Variants in SECISBP2L observed in about 807,000 individuals in gnomAD.
SECISBP2L encodes the protein SECIS binding protein 2 like, also known as selenocysteine insertion sequence-binding protein 2-like.
In SECISBP2L, 43 loss-of-function variants were observed where a neutral mutation model predicts 114.7. That is an observed-to-expected ratio of 0.38 (90% CI 0.29 to 0.48). The LOEUF (loss-of-function observed/expected upper bound fraction) is 0.48. Among genes scored for constraint, SECISBP2L ranks in the 20% least tolerant of loss-of-function variants. SECISBP2L has a pLI of 0.98. For missense variants in SECISBP2L, 1,136 were observed against 1,301.1 expected (o/e 0.87, Z 1.95); for synonymous variants, 451 against 439.7 (o/e 1.03, Z -0.32).
intron 16 of SECISBP2L, among the ~76,000 whole-genome samples, chr15:48,998,108 T>A (rs984555449): frequency 6.6e-6 from 1 of 152,196 alleles, no homozygotes; most frequent in African/African-American, 2.4e-5. Context: ...AACCTGGACA[T>A]TTTTGAGAAT....
At chr15:49,041,733 C>T (rs1247428785) in intron 1 of SECISBP2L, among the ~76,000 whole-genome samples, 1 of 152,042 alleles carries the variant, frequency 6.6e-6, no homozygotes, top group Non-Finnish European at 1.5e-5. Flanking sequence ...TACCACACAC[C>T]CACAGAAAAA....
Position 49,028,616 on chromosome 15 carries a change from T to G in SECISBP2L, c.731A>C (p.Lys244Thr). The change falls in exon 5 of 18, where the codon AAG becomes ACG. Residue 244 changes from lysine (K) to threonine (T), a missense_variant. Physicochemically the swap from Lys to Thr is moderately conservative, Grantham distance 78. Coordinates refer to ENST00000559471, the MANE Select transcript of SECISBP2L (RefSeq NM_001193489.2). ...GTGGGATGCTCTTCTTCTCCTGCCCTTGGACTTCCAGAGCATTGTTGCAGT... is the reference window on the plus strand; with the variant it reads ...GTGGGATGCTCTTCTTCTCCTGCCCGTGGACTTCCAGAGCATTGTTGCAGT... ...ETTATMLWKS[K>T]GRRRRASHPT... is the part of the protein sequence containing the mutation. 6.2e-7 allele frequency: 1 copy of G among 1,614,150 alleles called. No individual in the cohort carries two copies. Among genetic ancestry groups the G allele is most frequent in the Non-Finnish European group, 8.5e-7 (1 of 1,180,020 alleles).
intron 14 of SECISBP2L, among the ~76,000 whole-genome samples, chr15:49,006,878 T>C (rs1902334603): frequency 6.6e-6 from 1 of 152,218 alleles, no homozygotes. Context: ...AGAGGTATTC[T>C]GGTTTTTGCA....
chr15:48,993,695 A>G (rs532393725), intron 17 of SECISBP2L, among the ~76,000 whole-genome samples: 9 of 151,716 alleles, frequency 5.9e-5, no homozygotes, highest in Non-Finnish European at 1.2e-4. Flanking sequence ...TAATATATAT[A>G]TATATATAGC....
At chr15:49,021,310 T>C (rs1395352912) in intron 7 of SECISBP2L, among the ~76,000 whole-genome samples, 1 of 152,084 alleles carries the variant, frequency 6.6e-6, no homozygotes, top group African/African-American at 2.4e-5. Context: ...CATTATCTTA[T>C]AGCAGCCAAA....
At position 48,989,105 on chromosome 15, in the gene SECISBP2L, A is replaced by G. The variant is rs1462082925; in HGVS notation, c.*3139T>C. 6.7e-6 allele frequency: 1 copy of G among 149,230 alleles called. No homozygotes were observed. Among genetic ancestry groups the G allele is most frequent in the African/African-American group, 2.4e-5 (1 of 40,874 alleles). The allele number at this position is 149,230 out of a possible 1,614,324, so 9.2% of individuals were successfully genotyped here. On this transcript the variant is annotated 3_prime_UTR_variant, in exon 18 of 18. Transcript: ENST00000559471. ...TGATGTTCTAACCTGTTGGCCCAAC[A>G]TACAGAAAATACATGACAAGGGTGT...
At chr15:49,007,472 T>C (rs1486896882) in intron 14 of SECISBP2L, among the ~76,000 whole-genome samples, 1 of 152,216 alleles carries the variant, frequency 6.6e-6, no homozygotes, top group East Asian at 1.9e-4. Context: ...GGCTGCTGTC[T>C]TTCTTTCAGA....
Position 49,016,956 on chromosome 15 carries a change from G to A in SECISBP2L, c.1311C>T (p.Thr437=). The change falls in exon 10 of 18, where the codon ACC becomes ACT. Residue 437 remains threonine, a synonymous_variant. Coordinates refer to ENST00000559471, the MANE Select transcript of SECISBP2L (RefSeq NM_001193489.2). ...TTTTTGCACGTTTGGGAACTGAGGT[G>A]GTAATAGGAATTGGAGTCTGAACTA... ...INIVQTPIPI[T]TSVPKRAKSQ... is the part of the protein sequence containing the mutation. The A allele has an allele frequency of 6.2e-7, 1 of 1,613,974 alleles. No individual in the cohort carries two copies. Among genetic ancestry groups the A allele is most frequent in the Non-Finnish European group, 8.5e-7 (1 of 1,179,928 alleles).
chr15:49,019,971 T>A (rs1902609159), intron 7 of SECISBP2L, among the ~76,000 whole-genome samples: 1 of 152,022 alleles, frequency 6.6e-6, no homozygotes, highest in South Asian at 2.1e-4. Flanking sequence ...AAAAGGCCAA[T>A]CCCAAAAAGA....
chr15:49,025,506 A>T lies in SECISBP2L; in HGVS notation c.1035+1859T>A, dbSNP rs779647144. 7.9e-5 allele frequency among the ~76,000 whole-genome samples: 12 copies of T among 152,300 alleles called. No homozygotes were observed. In the East Asian group the frequency reaches 2.3e-3, roughly 29 times the overall value. ...TGTATGCATTAAACAAAGTTGTGTT[A>T]AGTACTTATGTGTAGAATTTTCTAC... On this transcript the variant is annotated intron_variant, in intron 7 of 17. Coordinates refer to ENST00000559471, the MANE Select transcript of SECISBP2L (RefSeq NM_001193489.2).
chr15:49,039,266 T>C (rs959427357), intron 1 of SECISBP2L, among the ~76,000 whole-genome samples: 2 of 152,094 alleles, frequency 1.3e-5, no homozygotes, highest in East Asian at 1.9e-4. Context: ...GGCAAAAATA[T>C]CTTCAAACTC....
In SECISBP2L at chr15:49,000,931, T is replaced by C. The variant is rs1265159949; in HGVS notation, c.2194A>G (p.Asn732Asp). 1 of 1,613,714 alleles carries C rather than the reference T, an allele frequency of 6.2e-7. No individual in the cohort carries two copies. Among genetic ancestry groups the C allele is most frequent in the African/African-American group, 1.3e-5 (1 of 74,930 alleles). The change falls in exon 15 of 18, where the codon AAC becomes GAC. Residue 732 changes from asparagine (N) to aspartate (D), a missense_variant. By Grantham distance (23) the Asn-to-Asp change is conservative (BLOSUM62 1). Around this residue, in one of 2 missense-constraint regions of SECISBP2L, gnomAD observed 684 missense variants for 848.7 expected, o/e 0.81. Coordinates refer to ENST00000559471, the MANE Select transcript of SECISBP2L (RefSeq NM_001193489.2). Reference protein sequence around the residue: ...LREVTKHMKLNKIKCVIISPN... With the variant: ...LREVTKHMKLDKIKCVIISPN... ...GAAATTATAACACACTTGATCTTGT[T>C]TAACTTCATATGTTTGGTAACTTCT...
At chr15:49,016,437 T>C (rs1902538047) in intron 11 of SECISBP2L, 123 bp downstream of exon 11, 2 of 799,170 alleles carry the variant, frequency 2.5e-6, no homozygotes, top group Non-Finnish European at 3.7e-6. Flanking sequence ...CACATACATA[T>C]ATATACACAC....
At chr15:49,035,713 T>C (rs1411541164) in intron 2 of SECISBP2L, 55 bp from the exon 3 acceptor site, 11 of 1,475,692 alleles carry the variant, frequency 7.5e-6, no homozygotes, top group Non-Finnish European at 1.0e-5. Context: ...AAAATACCAC[T>C]AAAGCAAAAT....
chr15:49,026,027 G>A (rs1343948808), intron 7 of SECISBP2L, among the ~76,000 whole-genome samples: 1 of 152,108 alleles, frequency 6.6e-6, no homozygotes, highest in Non-Finnish European at 1.5e-5. Flanking sequence ...ATATAAACAA[G>A]GGAATACTAT....
chr15:49,017,579 T>C lies in SECISBP2L; in HGVS notation c.1220A>G (p.Glu407Gly). The change falls in exon 9 of 18, where the codon GAG becomes GGG. Residue 407 changes from glutamate (E) to glycine (G), a missense_variant. Coordinates refer to ENST00000559471, the MANE Select transcript of SECISBP2L (RefSeq NM_001193489.2). Reference protein sequence around the residue: ...ELNENGNAKDENIQQKLSSKV... With the variant: ...ELNENGNAKDGNIQQKLSSKV... ...AGAAGAAAGTTTTTGTTGAATATTC[T>C]CATCCTTAGCATTTCCATTCTCATT... 6.2e-7 allele frequency: 1 copy of C among 1,607,990 alleles called. No individual in the cohort carries two copies. Among genetic ancestry groups the C allele is most frequent in the Non-Finnish European group, 8.5e-7 (1 of 1,177,590 alleles).
chr15:49,020,302 C>T (rs189143753), intron 7 of SECISBP2L, among the ~76,000 whole-genome samples: 54 of 151,772 alleles, frequency 3.6e-4, no homozygotes, highest in African/African-American at 1.3e-3. Context: ...AACACCTAGG[C>T]TCGAGTGATT....
Position 49,033,045 on chromosome 15 carries a change from G to C in SECISBP2L, c.584C>G (p.Ala195Gly), listed in dbSNP as rs746473039. The change falls in exon 4 of 18, where the codon GCT becomes GGT. Residue 195 changes from alanine to glycine, a missense_variant. Transcript: ENST00000559471. The part of the protein sequence containing the change: ...KSKRPLVKNV[A>G]TQKETNAAGP... ...TGCTGCATTTGTTTCTTTCTGAGTA[G>C]CTACATTTTTCACCAGCGGCCTTTT... is the stretch of plus-strand genomic sequence containing the variant. The C allele has an allele frequency of 1.1e-5, 17 of 1,613,926 alleles. No individual in the cohort carries two copies. Among genetic ancestry groups the C allele is most frequent in the Non-Finnish European group, 1.4e-5 (16 of 1,179,958 alleles).
At chr15:49,036,535 T>G in intron 2 of SECISBP2L, among the ~76,000 whole-genome samples, 1 of 152,264 alleles carries the variant, frequency 6.6e-6, no homozygotes, top group East Asian at 1.9e-4. Flanking sequence ...TTTATCATAC[T>G]GTATACTTGG....
Sources: gnomAD v4.1 joint callset for allele counts (sites outside exome capture counted in the v4.1 genomes callset) on GRCh38, gnomAD v4.1.1 for gene constraint, gnomAD v4.1.1 regional missense constraint, MANE v1.5 for transcripts, NCBI Gene and HGNC (gene_info 2026-07-23, HGNC 2026-07-21) for gene names.